Variants in ATP8A2 observed in about 807,000 individuals in gnomAD.
The protein encoded by ATP8A2 is phospholipid-transporting ATPase IB.
ATP8A2 carries 100 observed loss-of-function variants against 165.6 expected under a neutral mutation model. That is an observed-to-expected ratio of 0.60 (90% CI 0.51 to 0.71). The LOEUF (loss-of-function observed/expected upper bound fraction) is 0.71, where lower values mean the gene tolerates loss of function less well. Among genes scored for constraint, ATP8A2 ranks in the 30% least tolerant of loss-of-function variants. ATP8A2 has a pLI of 0.00. For missense variants in ATP8A2, 1,227 were observed against 1,479.5 expected (o/e 0.83, Z 2.80); for synonymous variants, 543 against 548.8 (o/e 0.99, Z 0.15).
intron 24 of ATP8A2, among the ~76,000 whole-genome samples, chr13:25,593,858 A>C (rs1444565276): frequency 6.6e-6 from 1 of 152,210 alleles, no homozygotes; most frequent in African/African-American, 2.4e-5. Context: ...GACTTAATAG[A>C]ATTCCTGTTA....
In ATP8A2 at chr13:25,767,834, G is replaced by A. The variant is rs145345689; in HGVS notation, c.2385-1212G>A. On this transcript the variant is annotated intron_variant, in intron 25 of 36. Coordinates refer to ENST00000381655, the MANE Select transcript of ATP8A2 (RefSeq NM_016529.6). The stretch of plus-strand genomic sequence containing the variant: ...GGTTCTACATTCAGTTTGCTGTCTC[G>A]CCAAATGCATTTCTTTCTCAAGTTG... Among the ~76,000 whole-genome samples the A allele has an allele frequency of 5.6e-4, 85 of 152,122 alleles. 1 individual carries two copies. The highest frequency in any genetic ancestry group is 1.6e-3 in the African/African-American group (66 of 41,492).
rs2045082671 is a variant in ATP8A2 at position 25,788,316 on chromosome 13, G to A, written c.2679+13357G>A. On this transcript the variant is annotated intron_variant, in intron 27 of 36. Transcript: ENST00000381655. ...TATTTTAAGGTATTTAACATCGATA[G>A]ACCATACAATTATGGCATTGTTAAG... 2.0e-5 allele frequency among the ~76,000 whole-genome samples: 3 copies of A among 152,236 alleles called. No homozygotes were observed. In the South Asian group the frequency reaches 6.2e-4, roughly 32 times the overall value.
At chr13:25,859,493 C>T (rs1184968335) in intron 30 of ATP8A2, among the ~76,000 whole-genome samples, 1 of 151,048 alleles carries the variant, frequency 6.6e-6, no homozygotes, top group African/African-American at 2.4e-5. Context: ...GCAGGTGTAG[C>T]GGAGATGATG....
intron 1 of ATP8A2, among the ~76,000 whole-genome samples, chr13:25,421,162 C>T (rs9507513): frequency 0.44 from 66,735 of 152,112 alleles, 15,555 homozygotes; most frequent in East Asian, 0.6. Flanking sequence ...AATCATTTCG[C>T]ATAGAGTATT....
chr13:25,705,296 C>T (rs1442955584), intron 25 of ATP8A2: 2 of 289,704 alleles, frequency 6.9e-6, no homozygotes, highest in Non-Finnish European at 1.3e-5. Context: ...AAAGAATCAT[C>T]AGTGACCCCC....
chr13:25,843,147 G>T (rs1032315152), intron 30 of ATP8A2, among the ~76,000 whole-genome samples: 3 of 152,148 alleles, frequency 2.0e-5, no homozygotes, highest in East Asian at 1.9e-4. Context: ...GGAGTAGGGG[G>T]TGGTCACATG....
At chr13:25,677,871 G>T (rs550402839) in intron 24 of ATP8A2, among the ~76,000 whole-genome samples, 1 of 152,272 alleles carries the variant, frequency 6.6e-6, no homozygotes, top group Non-Finnish European at 1.5e-5. Flanking sequence ...CAGACTTTAA[G>T]GAATGATGAT....
intron 25 of ATP8A2, among the ~76,000 whole-genome samples, chr13:25,701,822 C>G (rs1045736798): frequency 1.3e-5 from 2 of 151,184 alleles, no homozygotes; most frequent in African/African-American, 4.9e-5. Context: ...TCTCATAGGC[C>G]ATATACTTGA....
At chr13:25,661,876 G>A (rs1026441124) in intron 24 of ATP8A2, among the ~76,000 whole-genome samples, 20 of 152,158 alleles carry the variant, frequency 1.3e-4, no homozygotes, top group Non-Finnish European at 4.4e-5. Context: ...GTGATTATGG[G>A]AAGCTGTGAT....
At chr13:25,874,347 G>A (rs1296329236) in intron 33 of ATP8A2, among the ~76,000 whole-genome samples, 2 of 152,158 alleles carry the variant, frequency 1.3e-5, no homozygotes, top group African/African-American at 4.8e-5. Context: ...ATGCTTACAC[G>A]ATGTTTAGAT....
chr13:25,429,134 G>A lies in ATP8A2; in HGVS notation c.77-39843G>A, dbSNP rs910658954. ...TGTAATCCCAGCACTTTGGGAGGCC[G>A]AGGCGGTTGGATCACCTGAGGTCAC... On this transcript the variant is annotated intron_variant, in intron 1 of 36. Transcript: ENST00000381655. Among the ~76,000 whole-genome samples the A allele has an allele frequency of 2.0e-5, 3 of 152,076 alleles. No homozygotes were observed. The East Asian group carries it at 5.8e-4, about 29-fold the overall frequency.
chr13:25,932,059 AAAAG>A (rs373028142), intron 33 of ATP8A2, among the ~76,000 whole-genome samples: 2,384 of 151,606 alleles, frequency 0.016, 31 homozygotes, highest in South Asian at 0.029. Flanking sequence ...AAAAAAAAAA[AAAAG>A]AAAGAAAGAA....
intron 13 of ATP8A2, among the ~76,000 whole-genome samples, chr13:25,556,558 G>C (rs2038987827): frequency 6.6e-6 from 1 of 152,142 alleles, no homozygotes; most frequent in Admixed American, 6.6e-5. Flanking sequence ...CTCCCATTCT[G>C]TAGGTTGTCT....
intron 25 of ATP8A2, among the ~76,000 whole-genome samples, chr13:25,740,308 CAAAA>C (rs1229327243): frequency 0.015 from 1,015 of 67,490 alleles, 16 homozygotes; most frequent in African/African-American, 0.057. Flanking sequence ...GGCTCTATCT[CAAAA>C]AAAAAAAAAA....
chr13:25,991,800 C>T (rs1956401803), intron 35 of ATP8A2, among the ~76,000 whole-genome samples: 1 of 152,028 alleles, frequency 6.6e-6, no homozygotes, highest in African/African-American at 2.4e-5. Flanking sequence ...CTCTTACAAA[C>T]ATTTGTTTAC....
At chr13:25,789,419 A>G (rs2045111336) in intron 27 of ATP8A2, among the ~76,000 whole-genome samples, 1 of 152,238 alleles carries the variant, frequency 6.6e-6, no homozygotes, top group Non-Finnish European at 1.5e-5. Context: ...CATTGTACAA[A>G]AATCACTAGC....
intron 27 of ATP8A2, among the ~76,000 whole-genome samples, chr13:25,807,110 A>G (rs1950757381): frequency 6.8e-6 from 1 of 146,684 alleles, no homozygotes. Flanking sequence ...ATTTGTAAAT[A>G]TTTTATCCCA....
At chr13:25,501,459 T>C (rs940012507) in intron 2 of ATP8A2, among the ~76,000 whole-genome samples, 5 of 152,198 alleles carry the variant, frequency 3.3e-5, no homozygotes, top group African/African-American at 1.2e-4. Context: ...GAGTGAGAGT[T>C]TCCTAAGGGA....
intron 12 of ATP8A2, 66 bp from the exon 13 acceptor site, chr13:25,554,925 T>TA (rs2138076813): frequency 1.9e-6 from 2 of 1,027,098 alleles, no homozygotes; most frequent in East Asian, 4.8e-5. Context: ...TTTTCTGTGT[T>TA]AATCTGAATG....
Sources: allele counts gnomAD v4.1 joint callset (sites outside exome capture counted in the v4.1 genomes callset), GRCh38; gene constraint gnomAD v4.1.1; transcripts MANE v1.5; gene names NCBI Gene and HGNC (gene_info 2026-07-23, HGNC 2026-07-21).